The following TMEM156 variants were observed in gnomAD, a reference collection of about 807,000 sequenced individuals.
TMEM156 encodes the protein transmembrane protein 156.
A neutral mutation model predicts 30.5 loss-of-function variants in TMEM156; 28 were observed. The ratio of observed to expected loss-of-function variants is 0.92; its 90% confidence interval spans 0.68 to 1.26. The LOEUF is 1.26. TMEM156 is among the 50% of genes most tolerant of loss of function. The pLI, the probability that TMEM156 is intolerant of heterozygous loss-of-function variation, is 0.00. For synonymous variants in TMEM156, 137 were observed against 119.9 expected (o/e 1.14, Z -0.93); for missense variants, 351 against 340.6 (o/e 1.03, Z -0.24).
rs1317747880 is a variant in TMEM156, at chr4:38,966,830, G to C, written c.*850C>G. The C allele has an allele frequency of 7.6e-6, 1 of 131,406 alleles. No homozygotes were observed. The highest frequency in any genetic ancestry group is 1.5e-5 in the Non-Finnish European group (1 of 64,678). 8.1% of individuals were successfully genotyped at this position (131,406 alleles called of 1,614,324 possible). A position where few individuals can be genotyped will look rare whatever the true frequency, so the allele number is the denominator to read the frequency against. ...TTTTTTTTTTTTTTTTTGAGACAGAGTCTTGCTCTGCACCAGGCTGTAATG... is the reference window on the plus strand; with the variant it reads ...TTTTTTTTTTTTTTTTTGAGACAGACTCTTGCTCTGCACCAGGCTGTAATG... On this transcript the variant is annotated 3_prime_UTR_variant, in exon 7 of 7. Coordinates refer to ENST00000381938, the MANE Select transcript of TMEM156 (RefSeq NM_024943.3).
chr4:39,013,360 TATGAC>T (rs1418281672), intron 1 of TMEM156, among the ~76,000 whole-genome samples: 1 of 146,830 alleles, frequency 6.8e-6, no homozygotes, highest in Non-Finnish European at 1.5e-5. Context: ...AAAAGAGTAG[TATGAC>T]ATAATTGGTT....
At chr4:38,976,289 C>CAAAAAAAA (rs34271253) in intron 5 of TMEM156, among the ~76,000 whole-genome samples, 2 of 74,322 alleles carry the variant, frequency 2.7e-5, no homozygotes, top group Non-Finnish European at 5.0e-5. Context: ...GACTCCGTCT[C>CAAAAAAAA]AAAAAAAAAA....
intron 1 of TMEM156, among the ~76,000 whole-genome samples, chr4:39,011,637 G>A (rs1326619998): frequency 1.3e-5 from 2 of 152,102 alleles, no homozygotes; most frequent in Non-Finnish European, 2.9e-5. Context: ...AGCCAGGCAT[G>A]GTGGCAAGGA....
intron 1 of TMEM156, among the ~76,000 whole-genome samples, chr4:39,019,656 C>T (rs1714734345): frequency 6.6e-6 from 1 of 152,028 alleles, no homozygotes; most frequent in Admixed American, 6.6e-5. Context: ...AGGTGCCTTT[C>T]CCCAAGTTTT....
intron 5 of TMEM156, among the ~76,000 whole-genome samples, chr4:38,979,588 C>G (rs142655446): frequency 3.7e-4 from 57 of 152,304 alleles, no homozygotes; most frequent in African/African-American, 1.3e-3. Context: ...GCAGGGGAGG[C>G]CTATGGGTAG....
chr4:38,991,289 T>A (rs1193176857), intron 3 of TMEM156, among the ~76,000 whole-genome samples: 2 of 150,706 alleles, frequency 1.3e-5, no homozygotes, highest in Non-Finnish European at 3.0e-5. Context: ...AGTGGCCTAA[T>A]CACAGCTCAC....
chr4:39,020,243 G>A (rs749192766), intron 1 of TMEM156, among the ~76,000 whole-genome samples: 1 of 152,104 alleles, frequency 6.6e-6, no homozygotes, highest in Non-Finnish European at 1.5e-5. Flanking sequence ...CTGGACTATT[G>A]TGAGTAATGC....
rs58517946 is a variant in TMEM156, at chr4:39,031,891, T to C, written c.88+335A>G. Reference sequence around the variant, plus strand: ...GAGACTCCATCTCAAAAAAAAAAAATAAAAAATAAAAAAATAAAAAAAAAC... The same window carrying C: ...GAGACTCCATCTCAAAAAAAAAAAACAAAAAATAAAAAAATAAAAAAAAAC... On this transcript the variant is annotated intron_variant, in intron 1 of 6. Transcript: ENST00000381938. Among the ~76,000 whole-genome samples, 3 of 19,788 alleles carry C rather than the reference T, an allele frequency of 1.5e-4. 1 individual carries two copies. Among genetic ancestry groups the C allele is most frequent in the African/African-American group, 2.8e-4 (1 of 3,516 alleles). The allele number at this position is 19,788 out of a possible 152,430, so 13.0% of individuals were successfully genotyped here.
chr4:39,013,344 G>GA (rs1033029984), intron 1 of TMEM156, among the ~76,000 whole-genome samples: 16 of 146,710 alleles, frequency 1.1e-4, no homozygotes, highest in South Asian at 6.5e-4. Context: ...AGAAAACAAA[G>GA]AAAAAAAAAG....
intron 5 of TMEM156, among the ~76,000 whole-genome samples, chr4:38,973,951 A>C (rs1299153041): frequency 6.6e-6 from 1 of 152,166 alleles, no homozygotes; most frequent in Non-Finnish European, 1.5e-5. Flanking sequence ...TAGTATAACC[A>C]ACCATTTATC....
At chr4:39,012,405 A>C (rs1292422239) in intron 1 of TMEM156, among the ~76,000 whole-genome samples, 2 of 152,356 alleles carry the variant, frequency 1.3e-5, no homozygotes, top group East Asian at 3.9e-4. Flanking sequence ...TTTAGTGATA[A>C]ACACTATAAA....
intron 5 of TMEM156, among the ~76,000 whole-genome samples, chr4:38,978,713 T>C (rs535240561): frequency 6.6e-6 from 1 of 152,232 alleles, no homozygotes; most frequent in African/African-American, 2.4e-5. Context: ...TGTTAAAACC[T>C]CTCTGTTAAA....
In TMEM156 at chr4:38,969,599, G is replaced by A. The variant is rs180905613; in HGVS notation, c.*38+1433C>T. Among the ~76,000 whole-genome samples the A allele has an allele frequency of 2.9e-3, 443 of 151,730 alleles. 3 individuals carry two copies. The Middle Eastern group carries it at 0.037, about 13-fold the overall frequency. On this transcript the variant is annotated intron_variant, in intron 6 of 6. Transcript: ENST00000381938. Reference sequence around the variant, plus strand: ...TCTTTTTCCGTTTCTTTCTTTTTTTGTTTTTTAAGACATGGTCTCATTTTG... The same window carrying A: ...TCTTTTTCCGTTTCTTTCTTTTTTTATTTTTTAAGACATGGTCTCATTTTG...
intron 1 of TMEM156, among the ~76,000 whole-genome samples, chr4:39,006,780 A>G (rs968183090): frequency 1.3e-5 from 2 of 151,752 alleles, no homozygotes; most frequent in Non-Finnish European, 2.9e-5. Flanking sequence ...TAATAATAAT[A>G]ATGATAATAA....
At chr4:38,975,859 T>C (rs1347362200) in intron 5 of TMEM156, among the ~76,000 whole-genome samples, 1 of 152,090 alleles carries the variant, frequency 6.6e-6, no homozygotes, top group African/African-American at 2.4e-5. Context: ...ATGAAGGGAT[T>C]TTACAGGTAT....
chr4:39,026,132 TAATA>T lies in TMEM156; in HGVS notation c.88+6090_88+6093del, dbSNP rs200335029. Reference sequence around the variant, plus strand: ...AAATCAGATAATTTTAAAAAATGCATAATAAATAAATCATATAGGTGATAAAATA... The same window carrying T: ...AAATCAGATAATTTTAAAAAATGCATAATAAATCATATAGGTGATAAAATA... On this transcript the variant is annotated intron_variant, in intron 1 of 6. Transcript: ENST00000381938. Among the ~76,000 whole-genome samples the T allele has an allele frequency of 5.1e-3, 771 of 152,174 alleles. 4 individuals carry two copies. Among genetic ancestry groups the T allele is most frequent in the Admixed American group, 0.019 (284 of 15,266 alleles).
intron 3 of TMEM156, among the ~76,000 whole-genome samples, chr4:38,992,748 T>TTA (rs1553878947): frequency 2.0e-3 from 96 of 47,766 alleles, no homozygotes; most frequent in African/African-American, 3.2e-3. Context: ...ATATAATATA[T>TTA]TATATATATA....
Position 38,986,723 on chromosome 4 carries a change from G to A in TMEM156, c.740-304C>T, listed in dbSNP as rs893907991. On this transcript the variant is annotated intron_variant, in intron 4 of 6. Coordinates refer to ENST00000381938, the MANE Select transcript of TMEM156 (RefSeq NM_024943.3). ...CTCAGGAGGCTGAGGCAAAAGAATC[G>A]CTTGAACCCAGGAGGTGGAGGTTGC... 3.7e-5 allele frequency among the ~76,000 whole-genome samples: 5 copies of A among 136,744 alleles called. No homozygotes were observed. The South Asian group carries it at 7.2e-4, about 20-fold the overall frequency. The allele number at this position is 136,744 out of a possible 152,430, so 89.7% of individuals were successfully genotyped here.
At chr4:39,018,827 C>A (rs560759956) in intron 1 of TMEM156, among the ~76,000 whole-genome samples, 1 of 152,192 alleles carries the variant, frequency 6.6e-6, no homozygotes, top group East Asian at 1.9e-4. Context: ...TCGAGACCAG[C>A]CTGGCCAACA....
Sources: allele counts gnomAD v4.1 joint callset (sites outside exome capture counted in the v4.1 genomes callset), GRCh38; gene constraint gnomAD v4.1.1; transcripts MANE v1.5; gene names NCBI Gene and HGNC (gene_info 2026-07-23, HGNC 2026-07-21).